EYA4: variants seen among roughly 807,000 people sequenced by gnomAD.
EYA4 encodes protein phosphatase EYA4.
Under a neutral mutation model 87.9 loss-of-function variants are expected in EYA4, and 31 were observed. The ratio of observed to expected loss-of-function variants is 0.35; its 90% confidence interval spans 0.27 to 0.48. EYA4 has a LOEUF of 0.48. Among genes scored for constraint, EYA4 ranks in the 20% least tolerant of loss-of-function variants. The probability of loss-of-function intolerance (pLI) is 0.99; values close to 1 mark genes in which losing one functional copy is unlikely to be tolerated. For missense variants in EYA4, 678 were observed against 761.4 expected, an observed-to-expected ratio of 0.89 and a Z score of 1.29; for synonymous variants, 263 against 270.6, an observed-to-expected ratio of 0.97 and a Z score of 0.28.
intron 1 of EYA4, among the ~76,000 whole-genome samples, chr6:133,266,155 A>G (rs1267646620): frequency 6.6e-6 from 1 of 152,216 alleles, no homozygotes; most frequent in African/African-American, 2.4e-5. Context: ...CTTTGCAGGT[A>G]TGATCAAGTT....
chr6:133,317,903 C>T (rs1246963963), intron 2 of EYA4, among the ~76,000 whole-genome samples: 1 of 151,760 alleles, frequency 6.6e-6, no homozygotes, highest in Non-Finnish European at 1.5e-5. Flanking sequence ...CCCCCGGTGC[C>T]CCATCCACCC....
At chr6:133,326,872 G>A (rs774553133) in intron 2 of EYA4, among the ~76,000 whole-genome samples, 15 of 152,208 alleles carry the variant, frequency 9.9e-5, no homozygotes, top group Non-Finnish European at 1.6e-4. Flanking sequence ...TCTCTTGGCC[G>A]TTACTAGGCT....
At chr6:133,484,807 C>A (rs1796550001) in intron 13 of EYA4, among the ~76,000 whole-genome samples, 1 of 152,196 alleles carries the variant, frequency 6.6e-6, no homozygotes, top group South Asian at 2.1e-4. Flanking sequence ...TCAAAATAGT[C>A]ACCATGAGGT....
chr6:133,448,816 A>G (rs1247466794), intron 5 of EYA4, among the ~76,000 whole-genome samples: 3 of 152,184 alleles, frequency 2.0e-5, no homozygotes, highest in Non-Finnish European at 4.4e-5. Flanking sequence ...AAATTCTAAT[A>G]TCCTAAAAAA....
intron 3 of EYA4, among the ~76,000 whole-genome samples, chr6:133,430,363 C>G (rs1187367174): frequency 6.6e-6 from 1 of 152,056 alleles, no homozygotes; most frequent in Non-Finnish European, 1.5e-5. Flanking sequence ...TACTTTCTAC[C>G]TCATTGTTTG....
chr6:133,465,134 G>C (rs994209602), intron 10 of EYA4, among the ~76,000 whole-genome samples: 2 of 151,796 alleles, frequency 1.3e-5, no homozygotes, highest in Admixed American at 6.6e-5. Flanking sequence ...AAAATGTATT[G>C]GATATTTTGC....
intron 2 of EYA4, among the ~76,000 whole-genome samples, chr6:133,320,479 T>G (rs1781000814): frequency 8.4e-6 from 1 of 119,000 alleles, no homozygotes; most frequent in African/African-American, 2.8e-5. Flanking sequence ...ATATTTTACT[T>G]GTTTTTTTTT....
intron 1 of EYA4, among the ~76,000 whole-genome samples, chr6:133,252,306 G>A (rs1156355493): frequency 1.3e-5 from 2 of 152,158 alleles, no homozygotes; most frequent in East Asian, 3.8e-4. Flanking sequence ...TTATTTGTTT[G>A]TAATGAGAAA....
intron 3 of EYA4, among the ~76,000 whole-genome samples, chr6:133,384,230 A>C (rs1455857711): frequency 1.3e-5 from 2 of 152,204 alleles, no homozygotes; most frequent in Non-Finnish European, 2.9e-5. Context: ...CAGTGTATTT[A>C]AACCTGGAAT....
intron 2 of EYA4, among the ~76,000 whole-genome samples, chr6:133,277,663 C>G (rs1777290160): frequency 6.6e-6 from 1 of 152,202 alleles, no homozygotes; most frequent in South Asian, 2.1e-4. Flanking sequence ...TCTGGGAGTT[C>G]ACAGGTCCAC....
At chr6:133,404,269 G>T (rs897749388) in intron 3 of EYA4, among the ~76,000 whole-genome samples, 13 of 152,168 alleles carry the variant, frequency 8.5e-5, no homozygotes, top group Non-Finnish European at 1.3e-4. Flanking sequence ...TTTCTAATGT[G>T]GATGTTACTC....
chr6:133,432,356 C>G (rs1394435251), intron 3 of EYA4, among the ~76,000 whole-genome samples: 1 of 152,206 alleles, frequency 6.6e-6, no homozygotes, highest in African/African-American at 2.4e-5. Flanking sequence ...TCTCATCTTG[C>G]TCTTTGGCAC....
At chr6:133,256,659 T>C (rs1775363433) in intron 1 of EYA4, among the ~76,000 whole-genome samples, 1 of 152,142 alleles carries the variant, frequency 6.6e-6, no homozygotes, top group Admixed American at 6.5e-5. Context: ...TATTATAATC[T>C]GTTTAATGTG....
intron 3 of EYA4, among the ~76,000 whole-genome samples, chr6:133,427,587 A>G (rs777936027): frequency 2.0e-5 from 3 of 152,002 alleles, no homozygotes; most frequent in Admixed American, 6.6e-5. Context: ...ATTAAAGCTC[A>G]CTCTATTGAA....
chr6:133,340,217 G>T (rs1000477722), intron 2 of EYA4, among the ~76,000 whole-genome samples: 3 of 152,116 alleles, frequency 2.0e-5, no homozygotes, highest in Non-Finnish European at 4.4e-5. Context: ...CTGTGTACTA[G>T]AGGGACTGTA....
intron 3 of EYA4, among the ~76,000 whole-genome samples, chr6:133,388,135 C>A (rs1786916436): frequency 6.6e-6 from 1 of 152,102 alleles, no homozygotes; most frequent in South Asian, 2.1e-4. Flanking sequence ...CGGCCGGGCA[C>A]AGTGGCTCAC....
At chr6:133,266,052 A>G (rs1169982029) in intron 1 of EYA4, among the ~76,000 whole-genome samples, 1 of 152,222 alleles carries the variant, frequency 6.6e-6, no homozygotes, top group African/African-American at 2.4e-5. Flanking sequence ...TGTAATAATT[A>G]TACATGTGTG....
At chr6:133,429,862 A>C (rs1393901789) in intron 3 of EYA4, among the ~76,000 whole-genome samples, 7 of 152,084 alleles carry the variant, frequency 4.6e-5, no homozygotes, top group Non-Finnish European at 8.8e-5. Context: ...GTTTTCTTTT[A>C]TTTTATTTAT....
At chr6:133,312,031 A>G (rs185157517) in intron 2 of EYA4, among the ~76,000 whole-genome samples, 12 of 152,294 alleles carry the variant, frequency 7.9e-5, no homozygotes, top group Admixed American at 2.6e-4. Context: ...AGCAGGTAAC[A>G]GTGAAGTCTT....
Sources: allele counts gnomAD v4.1 joint callset (sites outside exome capture counted in the v4.1 genomes callset), GRCh38; gene constraint gnomAD v4.1.1; transcripts MANE v1.5; gene names NCBI Gene and HGNC (gene_info 2026-07-23, HGNC 2026-07-21).